Variants in NTM observed in about 807,000 individuals in gnomAD.
NTM encodes the protein neurotrimin.
NTM carries 13 observed loss-of-function variants against 42.1 expected under a neutral mutation model. The observed-to-expected ratio is 0.31, with a 90% CI of 0.20 to 0.49. The LOEUF (loss-of-function observed/expected upper bound fraction) is 0.49, where lower values mean the gene tolerates loss of function less well. Ranked by LOEUF, NTM falls within the 20% of genes least tolerant of loss-of-function variation. The pLI is 0.99. For missense variants in NTM, 373 were observed against 452.8 expected (o/e 0.82, Z 1.60); for synonymous variants, 187 against 179.2 (o/e 1.04, Z -0.35).
chr11:132,207,284 G>A (rs940226664), intron 3 of NTM, among the ~76,000 whole-genome samples: 5 of 152,088 alleles, frequency 3.3e-5, no homozygotes, highest in African/African-American at 1.2e-4. Flanking sequence ...ATCAGTGGCA[G>A]CATTAGGTAG....
At chr11:132,155,335 A>C (rs2072929928) in intron 3 of NTM, among the ~76,000 whole-genome samples, 1 of 152,204 alleles carries the variant, frequency 6.6e-6, no homozygotes, top group African/African-American at 2.4e-5. Flanking sequence ...AGGGAAGCAG[A>C]AGAGCACCCC....
chr11:131,481,001 A>T (rs1179923252), intron 1 of NTM, among the ~76,000 whole-genome samples: 1 of 152,158 alleles, frequency 6.6e-6, no homozygotes, highest in Non-Finnish European at 1.5e-5. Context: ...GTGGGGTAGA[A>T]GTAGGGAGGG....
intron 1 of NTM, among the ~76,000 whole-genome samples, chr11:131,885,430 T>G (rs1175224899): frequency 6.6e-6 from 1 of 152,138 alleles, no homozygotes; most frequent in Non-Finnish European, 1.5e-5. Context: ...AAAAATGGCC[T>G]TTTGCATTTC....
chr11:132,298,319 TA>T (rs563535177), intron 4 of NTM, among the ~76,000 whole-genome samples: 176 of 152,364 alleles, frequency 1.2e-3, no homozygotes, highest in African/African-American at 4.2e-3. Flanking sequence ...AAAGCTGATT[TA>T]TTTTTTTATT....
chr11:132,067,273 C>G (rs192337061), intron 2 of NTM, among the ~76,000 whole-genome samples: 1 of 152,330 alleles, frequency 6.6e-6, no homozygotes, highest in East Asian at 1.9e-4. Context: ...TATTTTTTAG[C>G]CTCTCACAGT....
intron 2 of NTM, among the ~76,000 whole-genome samples, chr11:131,983,917 A>C (rs2065665355): frequency 6.6e-6 from 1 of 152,212 alleles, no homozygotes; most frequent in African/African-American, 2.4e-5. Context: ...ATATAGAAGA[A>C]TACATAAGGG....
intron 4 of NTM, among the ~76,000 whole-genome samples, chr11:132,283,730 A>C (rs1291637389): frequency 6.6e-6 from 1 of 152,170 alleles, no homozygotes; most frequent in Admixed American, 6.5e-5. Context: ...AGGGACTGAG[A>C]ATGCTTTTAG....
intron 1 of NTM, among the ~76,000 whole-genome samples, chr11:131,732,005 A>G (rs987204441): frequency 2.0e-5 from 3 of 152,076 alleles, no homozygotes; most frequent in Non-Finnish European, 2.9e-5. Context: ...TTCAAATTCA[A>G]CTATCTCTGG....
intron 1 of NTM, among the ~76,000 whole-genome samples, chr11:131,637,282 G>T (rs1222670102): frequency 1.3e-5 from 2 of 151,960 alleles, no homozygotes; most frequent in Non-Finnish European, 2.9e-5. Context: ...GTCACCCTCT[G>T]TAGAGAAAGC....
intron 1 of NTM, among the ~76,000 whole-genome samples, chr11:131,765,184 C>T (rs1016744369): frequency 1.3e-5 from 2 of 152,330 alleles, no homozygotes; most frequent in South Asian, 2.1e-4. Context: ...ATCCATTCTC[C>T]ACAGAGCAGC....
At chr11:131,457,405 G>A (rs900647463) in intron 1 of NTM, among the ~76,000 whole-genome samples, 53 of 151,900 alleles carry the variant, frequency 3.5e-4, no homozygotes, top group Non-Finnish European at 3.2e-4. Flanking sequence ...AGGGGTGGGG[G>A]AAGGGAGGAG....
intron 1 of NTM, among the ~76,000 whole-genome samples, chr11:131,640,582 G>A (rs1455846709): frequency 1.3e-5 from 2 of 152,172 alleles, no homozygotes; most frequent in Admixed American, 6.5e-5. Context: ...CTAGTGAAAT[G>A]TGAGACTTCG....
At chr11:131,645,554 C>T (rs541075661) in intron 1 of NTM, among the ~76,000 whole-genome samples, 37 of 152,350 alleles carry the variant, frequency 2.4e-4, no homozygotes, top group Admixed American at 8.5e-4. Context: ...TGAAATCTTA[C>T]TCTTTTACAG....
chr11:131,373,963 C>A (rs1941587044), intron 1 of NTM, among the ~76,000 whole-genome samples: 1 of 152,174 alleles, frequency 6.6e-6, no homozygotes, highest in South Asian at 2.1e-4. Context: ...GCTGGGCAGG[C>A]CGGCCAGGTT....
intron 1 of NTM, among the ~76,000 whole-genome samples, chr11:131,526,435 C>T (rs1338348218): frequency 6.6e-6 from 1 of 152,152 alleles, no homozygotes; most frequent in Non-Finnish European, 1.5e-5. Context: ...CTTGGATTGT[C>T]AGCTTTCTTT....
At chr11:131,481,087 A>C (rs1953530086) in intron 1 of NTM, among the ~76,000 whole-genome samples, 3 of 152,190 alleles carry the variant, frequency 2.0e-5, no homozygotes, top group Non-Finnish European at 2.9e-5. Flanking sequence ...GAGTAGGTAG[A>C]AATGGACATC....
At chr11:131,899,450 C>T (rs1009489687) in intron 1 of NTM, among the ~76,000 whole-genome samples, 8 of 152,132 alleles carry the variant, frequency 5.3e-5, no homozygotes, top group Middle Eastern at 3.4e-3. Flanking sequence ...GAGAGAAGGG[C>T]GAGATAAGCA....
chr11:131,525,830 G>C (rs981659236), intron 1 of NTM, among the ~76,000 whole-genome samples: 1 of 150,848 alleles, frequency 6.6e-6, no homozygotes, highest in Non-Finnish European at 1.5e-5. Context: ...AAACTTGTAG[G>C]GTTACTTAAC....
At chr11:132,260,102 C>G (rs767228168) in intron 4 of NTM, among the ~76,000 whole-genome samples, 1 of 152,124 alleles carries the variant, frequency 6.6e-6, no homozygotes, top group African/African-American at 2.4e-5. Context: ...AGGAGGAGGA[C>G]TAGCATTTAA....
Sources: allele counts gnomAD v4.1 joint callset (sites outside exome capture counted in the v4.1 genomes callset), GRCh38; gene constraint gnomAD v4.1.1; transcripts MANE v1.5; gene names NCBI Gene and HGNC (gene_info 2026-07-23, HGNC 2026-07-21).